FANCB: variants seen among roughly 807,000 people sequenced by gnomAD.
The protein encoded by FANCB is Fanconi anemia group B protein.
A neutral mutation model predicts 38.9 loss-of-function variants in FANCB; 5 were observed. The observed-to-expected ratio is 0.13, with a 90% CI of 0.07 to 0.27. FANCB has a LOEUF of 0.27. Ranked by LOEUF, FANCB falls within the 10% of genes least tolerant of loss-of-function variation. The pLI, the probability that FANCB is intolerant of heterozygous loss-of-function variation, is 1.00. For synonymous variants in FANCB, 236 were observed against 215.4 expected (o/e 1.10, Z -0.84); for missense variants, 573 against 602.7 (o/e 0.95, Z 0.52).
chrX:14,859,078 A>T, intron 4 of FANCB, 104 bp downstream of exon 4: 2 of 491,748 alleles, frequency 4.1e-6, no homozygotes, highest in Non-Finnish European at 6.9e-6. Context: ...TCAAAATTTT[A>T]AGTATAAAAC....
intron 7 of FANCB, among the ~76,000 whole-genome samples, chrX:14,846,017 A>T (rs1333058496): frequency 8.9e-6 from 1 of 111,872 alleles, no homozygotes; most frequent in East Asian, 2.8e-4. Flanking sequence ...CTAATGAGTT[A>T]CACTAAAGAT....
the FANCB span, chrX:14,731,460 G>C: frequency 7.2e-5 from 8 of 111,860 alleles, no homozygotes; most frequent in African/African-American, 2.6e-4. Flanking sequence ...AGGTCAGCTT[G>C]AACTTTCCAT....
chrX:14,699,610 A>T, the FANCB span, among the ~76,000 whole-genome samples: 1 of 110,649 alleles, frequency 9.0e-6, no homozygotes, highest in South Asian at 3.7e-4. Flanking sequence ...TTTGAAATAT[A>T]CAATACATTA....
rs755588273 is a variant in FANCB, at chrX:14,847,651, GA to G, written c.1497-2366del. On this transcript the variant is annotated intron_variant, in intron 7 of 9. Coordinates refer to ENST00000650831, the MANE Select transcript of FANCB (RefSeq NM_001018113.3). ...GAGGAAGCTCAACAATCTAAAGGAG[GA>G]AAAAAAAAAAAAGAAATCTGCACTT... 4.0e-3 allele frequency among the ~76,000 whole-genome samples: 359 copies of G among 90,374 alleles called. 2 individuals carry two copies. The highest frequency in any genetic ancestry group is 4.5e-3 in the Non-Finnish European group (199 of 44,664). 78.5% of individuals were successfully genotyped at this position (90,374 alleles called of 115,157 possible).
At chrX:14,728,073 T>C in the FANCB span, among the ~76,000 whole-genome samples, 1 of 112,322 alleles carries the variant, frequency 8.9e-6, no homozygotes, top group Non-Finnish European at 1.9e-5. Flanking sequence ...CTTTATAAAG[T>C]AGTAGTTTTA....
chrX:14,700,690 T>C, the FANCB span, among the ~76,000 whole-genome samples: 1 of 110,431 alleles, frequency 9.1e-6, no homozygotes, highest in East Asian at 2.9e-4. Flanking sequence ...AAGTGGACAG[T>C]GAGGAAGTGA....
At chrX:14,847,956 A>G (rs1308167342) in intron 7 of FANCB, among the ~76,000 whole-genome samples, 7 of 112,164 alleles carry the variant, frequency 6.2e-5, no homozygotes, top group African/African-American at 2.3e-4. Context: ...ATGCTAATAA[A>G]TGTAATAATT....
chrX:14,730,988 A>G, the FANCB span: 1 of 111,613 alleles, frequency 9.0e-6, no homozygotes, highest in African/African-American at 3.4e-5. Context: ...CATAGTGACT[A>G]GCCTATAGTG....
chrX:14,763,949 G>T, the FANCB span, among the ~76,000 whole-genome samples: 1 of 111,625 alleles, frequency 9.0e-6, no homozygotes, highest in Admixed American at 9.6e-5. Context: ...GCATGCGAAG[G>T]GAGTAAGATT....
At chrX:14,823,664 G>C in the FANCB span, among the ~76,000 whole-genome samples, 1 of 111,038 alleles carries the variant, frequency 9.0e-6, no homozygotes, top group Non-Finnish European at 1.9e-5. Context: ...TTGATGTTTT[G>C]TTAATAATTA....
the FANCB span, among the ~76,000 whole-genome samples, chrX:14,715,007 A>G: frequency 1.1e-4 from 12 of 112,399 alleles, no homozygotes; most frequent in Non-Finnish European, 1.7e-4. Context: ...AAATATTTGA[A>G]TATATCTAAT....
chrX:14,836,725 T>C (rs2092342241), intron 10 of FANCB, among the ~76,000 whole-genome samples: 1 of 112,127 alleles, frequency 8.9e-6, no homozygotes, highest in African/African-American at 3.2e-5. Flanking sequence ...AACACCATTA[T>C]ATTAAAATAC....
chrX:14,702,730 C>G, the FANCB span, among the ~76,000 whole-genome samples: 1 of 110,980 alleles, frequency 9.0e-6, no homozygotes, highest in African/African-American at 3.3e-5. Context: ...AGGGTTGTCA[C>G]GGGGGTTCAA....
chrX:14,730,674 C>T, the FANCB span: 2 of 423,822 alleles, frequency 4.7e-6, no homozygotes, highest in Non-Finnish European at 8.2e-6. Flanking sequence ...GAAAACTGCA[C>T]AAAATTAAGG....
At chrX:14,823,191 T>C in the FANCB span, among the ~76,000 whole-genome samples, 2 of 105,046 alleles carry the variant, frequency 1.9e-5, no homozygotes, top group Non-Finnish European at 3.9e-5. Context: ...CAAGCGATTC[T>C]CCTACCTCAG....
chrX:14,690,767 G>A, the FANCB span: 1 of 1,205,819 alleles, frequency 8.3e-7, no homozygotes, highest in South Asian at 1.8e-5. Context: ...GTTTGTGTTT[G>A]CTGCCTTACT....
At chrX:14,833,854 T>TGTG (rs1233303687), downstream of FANCB, among the ~76,000 whole-genome samples, 1 of 110,577 alleles carries the variant, frequency 9.0e-6, no homozygotes, top group African/African-American at 3.3e-5. Flanking sequence ...ATTAGCTGGG[T>TGTG]GTGGTGGTGG....
chrX:14,833,196 T>C (rs951489481), downstream of FANCB, among the ~76,000 whole-genome samples: 2 of 112,634 alleles, frequency 1.8e-5, no homozygotes, highest in Non-Finnish European at 3.7e-5. Flanking sequence ...AATACTTTTG[T>C]ACAAAATTTC....
chrX:14,768,114 T>C, the FANCB span, among the ~76,000 whole-genome samples: 8 of 112,244 alleles, frequency 7.1e-5, no homozygotes, highest in Non-Finnish European at 1.5e-4. Context: ...GGTAGTGTGA[T>C]GCCTCCAGAT....
Sources: allele counts gnomAD v4.1 joint callset (sites outside exome capture counted in the v4.1 genomes callset), GRCh38; gene constraint gnomAD v4.1.1; transcripts MANE v1.5; gene names NCBI Gene and HGNC (gene_info 2026-07-23, HGNC 2026-07-21).